STRAP: variants seen among roughly 807,000 people sequenced by gnomAD.
STRAP encodes serine/threonine kinase receptor associated protein, also known as serine-threonine kinase receptor-associated protein.
Under a neutral mutation model 47.0 loss-of-function variants are expected in STRAP, and 16 were observed. That is an observed-to-expected ratio of 0.34 (90% CI 0.23 to 0.52). The LOEUF (loss-of-function observed/expected upper bound fraction) is 0.52, where lower values mean the gene tolerates loss of function less well. Ranked by LOEUF, STRAP falls within the 20% of genes least tolerant of loss-of-function variation. STRAP has a pLI of 0.96. For missense variants in STRAP, 293 were observed against 420.0 expected (o/e 0.70, Z 2.64); for synonymous variants, 130 against 142.7 (o/e 0.91, Z 0.63).
chr12:15,902,489 T>C (rs1290447045), intron 9 of STRAP, among the ~76,000 whole-genome samples: 3 of 152,236 alleles, frequency 2.0e-5, no homozygotes, highest in African/African-American at 7.2e-5. Context: ...TCCTTAAATT[T>C]TTTATTGTTA....
intron 9 of STRAP, among the ~76,000 whole-genome samples, chr12:15,901,820 C>G (rs1022679599): frequency 1.3e-5 from 2 of 148,148 alleles, no homozygotes; most frequent in Non-Finnish European, 3.0e-5. Context: ...GAGATTGCGC[C>G]ACTGCACTCC....
chr12:15,886,140 T>C (rs529798570), intron 2 of STRAP, among the ~76,000 whole-genome samples: 1 of 152,120 alleles, frequency 6.6e-6, no homozygotes, highest in Non-Finnish European at 1.5e-5. Context: ...TGGCACTAGG[T>C]GGGCTTGCAT....
intron 2 of STRAP, among the ~76,000 whole-genome samples, chr12:15,885,850 G>A (rs181427186): frequency 1.3e-4 from 20 of 151,966 alleles, no homozygotes; most frequent in Admixed American, 8.5e-4. Flanking sequence ...AATATGTTTC[G>A]AATACTTACA....
chr12:15,897,791 C>A, intron 6 of STRAP, 91 bp from the exon 7 acceptor site: 2 of 869,112 alleles, frequency 2.3e-6, no homozygotes, highest in Non-Finnish European at 3.2e-6. Flanking sequence ...TTAATTGTTC[C>A]TTGGGTTTCA....
intron 4 of STRAP, among the ~76,000 whole-genome samples, chr12:15,891,797 T>G (rs556939242): frequency 6.6e-6 from 1 of 151,958 alleles, no homozygotes; most frequent in Non-Finnish European, 1.5e-5. Context: ...ACAAAAAAAT[T>G]AGCTGGGCAT....
intron 4 of STRAP, among the ~76,000 whole-genome samples, chr12:15,891,875 G>C (rs898235112): frequency 5.3e-5 from 8 of 152,082 alleles, no homozygotes; most frequent in African/African-American, 1.9e-4. Flanking sequence ...GAACCCGGGA[G>C]GTAGAGGTTG....
Position 15,896,704 on chromosome 12 carries a change from C to T in STRAP, c.639-1178C>T, listed in dbSNP as rs992650676. Among the ~76,000 whole-genome samples, 2 of 152,130 alleles carry T rather than the reference C, an allele frequency of 1.3e-5. No individual in the cohort carries two copies. Among genetic ancestry groups the T allele is most frequent in the African/African-American group, 4.8e-5 (2 of 41,422 alleles). ...GGTTAGTTTCCCTGTTTTAGCACCA[C>T]GGTGAATGTTCTAGCACATCTCTGA... On this transcript the variant is annotated intron_variant, in intron 6 of 9. Transcript: ENST00000419869. The surrounding 1 kb of genome is among the most constrained non-coding windows in gnomAD (Gnocchi z 4.1).
At position 15,882,514 on chromosome 12, in the gene STRAP, G is replaced by T; in HGVS notation, c.-194G>T. On this transcript the variant is annotated 5_prime_UTR_variant, in exon 1 of 10. Coordinates refer to ENST00000419869, the MANE Select transcript of STRAP (RefSeq NM_007178.4). Reference sequence around the variant, plus strand: ...CTCCCTCGTCGACTGTTGCTTGCTGGTCGCAGACTCCCTGACCCCTCCCTC... The same window carrying T: ...CTCCCTCGTCGACTGTTGCTTGCTGTTCGCAGACTCCCTGACCCCTCCCTC... The T allele has an allele frequency of 1.7e-6, 1 of 579,754 alleles. No individual in the cohort carries two copies. Among genetic ancestry groups the T allele is most frequent in the Admixed American group, 3.1e-5 (1 of 32,754 alleles). 35.9% of individuals were successfully genotyped at this position (579,754 alleles called of 1,614,324 possible).
rs1247930253 is a variant in STRAP, at chr12:15,894,571, A to G, written c.500+428A>G. ...GAACATTAAAATTTAAGTTGCACCC[A>G]GGTCACATTTATCTGGAGCTATCTA... On this transcript the variant is annotated intron_variant, in intron 5 of 9. Transcript: ENST00000419869. This position sits in a 1 kb window ranked among gnomAD's most constrained non-coding sequence, Gnocchi z 4.9. Among the ~76,000 whole-genome samples, 2 of 152,226 alleles carry G rather than the reference A, an allele frequency of 1.3e-5. No individual in the cohort carries two copies. Among genetic ancestry groups the G allele is most frequent in the Non-Finnish European group, 2.9e-5 (2 of 68,036 alleles).
chr12:15,903,137 G>A lies in STRAP; in HGVS notation c.*159G>A. 2 of 709,836 alleles carry A rather than the reference G, an allele frequency of 2.8e-6. No individual in the cohort carries two copies. Among genetic ancestry groups the A allele is most frequent in the Non-Finnish European group, 4.1e-6 (2 of 483,900 alleles). 44.0% of individuals were successfully genotyped at this position (709,836 alleles called of 1,614,324 possible). A position where few individuals can be genotyped will look rare whatever the true frequency, so the allele number is the denominator to read the frequency against. ...TGCTGGAACAACTAACTAACTTGGTGTTACCTGTAAGTGAAAACTCAAGTG... is the reference window on the plus strand; with the variant it reads ...TGCTGGAACAACTAACTAACTTGGTATTACCTGTAAGTGAAAACTCAAGTG... On this transcript the variant is annotated 3_prime_UTR_variant, in exon 10 of 10. Coordinates refer to ENST00000419869, the MANE Select transcript of STRAP (RefSeq NM_007178.4).
At position 15,895,570 on chromosome 12, in the gene STRAP, T is replaced by A. The variant is rs1011400148; in HGVS notation, c.638+74T>A. The A allele has an allele frequency of 8.3e-5, 126 of 1,517,698 alleles. 1 individual carries two copies. The highest frequency in any genetic ancestry group is 8.3e-5 in the Non-Finnish European group (94 of 1,131,696). 94.0% of individuals were successfully genotyped at this position (1,517,698 alleles called of 1,614,324 possible). The stretch of plus-strand genomic sequence containing the variant: ...TTTTGGCTACTTAAAAATGGGAAGG[T>A]ATTTACTTTTTTTAAAAGTAAAGAG... On this transcript the variant is annotated intron_variant, in intron 6 of 9. Coordinates refer to ENST00000419869, the MANE Select transcript of STRAP (RefSeq NM_007178.4).
chr12:15,883,710 CTCTG>C, intron 2 of STRAP, 34 bp downstream of exon 2: 1 of 1,607,738 alleles, frequency 6.2e-7, no homozygotes, highest in Admixed American at 1.7e-5. Context: ...CTTTGGTGTT[CTCTG>C]TAGCTTGTGT....
At chr12:15,897,802 G>T (rs979437272) in intron 6 of STRAP, 80 bp from the exon 7 acceptor site, 10 of 991,880 alleles carry the variant, frequency 1.0e-5, no homozygotes, top group African/African-American at 5.2e-5. Flanking sequence ...TTGGGTTTCA[G>T]AATTTAAGAA....
chr12:15,890,690 A>G lies in STRAP; in HGVS notation c.403+21A>G, dbSNP rs770528001. The G allele has an allele frequency of 4.5e-6, 7 of 1,564,596 alleles. No homozygotes were observed. Among genetic ancestry groups the G allele is most frequent in the Non-Finnish European group, 6.1e-6 (7 of 1,148,154 alleles). Reference sequence around the variant, plus strand: ...AGCAGGTAAGCATAATTTAAACATCAGCTTCTAGTTTTATTTTCTTTTAAT... The same window carrying G: ...AGCAGGTAAGCATAATTTAAACATCGGCTTCTAGTTTTATTTTCTTTTAAT... On this transcript the variant is annotated intron_variant, in intron 4 of 9. Transcript: ENST00000419869. This position sits in a 1 kb window ranked among gnomAD's most constrained non-coding sequence, Gnocchi z 4.5.
Position 15,894,161 on chromosome 12 carries a change from A to G in STRAP, c.500+18A>G, listed in dbSNP as rs1948040718. 1 of 1,597,150 alleles carries G rather than the reference A, an allele frequency of 6.3e-7. No individual in the cohort carries two copies. The highest frequency in any genetic ancestry group is 8.6e-7 in the Non-Finnish European group (1 of 1,166,574). On this transcript the variant is annotated intron_variant, in intron 5 of 9. Coordinates refer to ENST00000419869, the MANE Select transcript of STRAP (RefSeq NM_007178.4). The surrounding 1 kb of genome is among the most constrained non-coding windows in gnomAD (Gnocchi z 4.9). ...ACTGTTCGGTAAGTAATTTTTCTTTAATAATTTACAATTTAAGGCCGGGCA... is the reference window on the plus strand; with the variant it reads ...ACTGTTCGGTAAGTAATTTTTCTTTGATAATTTACAATTTAAGGCCGGGCA...
At chr12:15,900,605 C>G (rs894063673) in intron 8 of STRAP, among the ~76,000 whole-genome samples, 6 of 151,676 alleles carry the variant, frequency 4.0e-5, no homozygotes, top group African/African-American at 1.5e-4. Flanking sequence ...TGGAATAGAT[C>G]TAATTCAAAA....
At chr12:15,899,185 G>A (rs913740160) in intron 7 of STRAP, among the ~76,000 whole-genome samples, 1 of 152,096 alleles carries the variant, frequency 6.6e-6, no homozygotes, top group African/African-American at 2.4e-5. Context: ...TGTGTTCTTT[G>A]TACTCTTACA....
chr12:15,884,344 G>A (rs1474562588), intron 2 of STRAP, among the ~76,000 whole-genome samples: 1 of 151,806 alleles, frequency 6.6e-6, no homozygotes, highest in Admixed American at 6.6e-5. Context: ...GTTGCCAGTT[G>A]TCTTCCTAAA....
intron 7 of STRAP, among the ~76,000 whole-genome samples, chr12:15,899,479 G>T (rs1413567583): frequency 1.3e-5 from 2 of 152,160 alleles, no homozygotes; most frequent in Non-Finnish European, 2.9e-5. Flanking sequence ...GTGTGTAAAA[G>T]AGCTCCACCT....
Sources: gnomAD v4.1 joint callset for allele counts (sites outside exome capture counted in the v4.1 genomes callset) on GRCh38, gnomAD v4.1.1 for gene constraint, Gnocchi (gnomAD v3.1) non-coding constraint, MANE v1.5 for transcripts, NCBI Gene and HGNC (gene_info 2026-07-23, HGNC 2026-07-21) for gene names.